The following EPM2A variants were observed in gnomAD, a reference collection of about 807,000 sequenced individuals.
EPM2A encodes the protein EPM2A glucan phosphatase, laforin.
EPM2A carries 21 observed loss-of-function variants against 26.5 expected under a neutral mutation model. The observed-to-expected ratio is 0.79, with a 90% CI of 0.56 to 1.14. The LOEUF (loss-of-function observed/expected upper bound fraction) is 1.14. EPM2A is among the 50% of genes most tolerant of loss of function. EPM2A has a pLI of 0.00. For synonymous variants in EPM2A, 217 were observed against 177.6 expected, an observed-to-expected ratio of 1.22 and a Z score of -1.76; for missense variants, 458 against 440.8, an observed-to-expected ratio of 1.04 and a Z score of -0.35.
intron 1 of EPM2A, among the ~76,000 whole-genome samples, chr6:145,693,823 A>C (rs920136537): frequency 6.6e-6 from 1 of 152,026 alleles, no homozygotes; most frequent in Admixed American, 6.6e-5. Flanking sequence ...CTATTTCTTC[A>C]GAACAGTTTT....
intron 3 of EPM2A, among the ~76,000 whole-genome samples, chr6:145,633,485 G>C (rs989426474): frequency 1.3e-5 from 2 of 152,148 alleles, no homozygotes; most frequent in Admixed American, 6.5e-5. Flanking sequence ...AGGTTACCAA[G>C]AGGAATAACC....
intron 2 of EPM2A, among the ~76,000 whole-genome samples, chr6:145,508,267 G>T (rs933684295): frequency 6.6e-6 from 1 of 152,220 alleles, no homozygotes; most frequent in African/African-American, 2.4e-5. Flanking sequence ...CCCACCAAAG[G>T]TGAGCATGAG....
At chr6:145,647,411 A>T (rs1777559157) in intron 2 of EPM2A, among the ~76,000 whole-genome samples, 2 of 152,114 alleles carry the variant, frequency 1.3e-5, no homozygotes, top group African/African-American at 4.8e-5. Context: ...ATCTTCCTTG[A>T]TCTCCAATAG....
intron 4 of EPM2A, among the ~76,000 whole-genome samples, chr6:145,447,835 G>T (rs371262933): frequency 6.6e-6 from 1 of 152,000 alleles, no homozygotes; most frequent in Admixed American, 6.6e-5. Context: ...ATGAATATAA[G>T]AATTCAGCTG....
At chr6:145,730,314 T>C (rs1383108955) in intron 1 of EPM2A, among the ~76,000 whole-genome samples, 1 of 152,204 alleles carries the variant, frequency 6.6e-6, no homozygotes, top group Non-Finnish European at 1.5e-5. Flanking sequence ...GGTATTCTGG[T>C]GAACATTTGC....
At chr6:145,671,620 A>T (rs1465240647) in intron 2 of EPM2A, among the ~76,000 whole-genome samples, 1 of 152,218 alleles carries the variant, frequency 6.6e-6, no homozygotes, top group Non-Finnish European at 1.5e-5. Flanking sequence ...GGATTGTTCC[A>T]AGGTTACCCA....
At chr6:145,630,611 T>C (rs1269238506) in intron 3 of EPM2A, 1 of 152,148 alleles carries the variant, frequency 6.6e-6, no homozygotes, top group Non-Finnish European at 1.5e-5. Context: ...CAAGACTCCA[T>C]CTAAAAAAGA....
At chr6:145,400,876 T>C (rs1403306824) in intron 4 of EPM2A, among the ~76,000 whole-genome samples, 1 of 152,176 alleles carries the variant, frequency 6.6e-6, no homozygotes, top group Non-Finnish European at 1.5e-5. Context: ...GCCTACAGGT[T>C]GTTACACCCC....
rs561030357 is a variant in EPM2A, at chr6:145,715,680, A to T, written c.301+19518T>A. Among the ~76,000 whole-genome samples the T allele has an allele frequency of 2.0e-5, 3 of 152,230 alleles. No individual in the cohort carries two copies. In the East Asian group the frequency reaches 5.8e-4, roughly 29 times the overall value. On this transcript the variant is annotated intron_variant, in intron 1 of 3. Transcript: ENST00000367519. ...GAACTCTGCGTCCTGTCAGATCAGC[A>T]GCACAGTAGATTCTCATAGGAGTGC...
chr6:145,385,926 A>C (rs2114652847), intron 4 of EPM2A, among the ~76,000 whole-genome samples: 1 of 152,142 alleles, frequency 6.6e-6, no homozygotes, highest in Non-Finnish European at 1.5e-5. Flanking sequence ...GAAATCAAGA[A>C]TTTAAAATTC....
intron 2 of EPM2A, among the ~76,000 whole-genome samples, chr6:145,605,057 A>G (rs1347438399): frequency 6.6e-6 from 1 of 152,170 alleles, no homozygotes; most frequent in African/African-American, 2.4e-5. Context: ...TTAATGGAAA[A>G]GCAAGAGAAA....
At chr6:145,653,168 T>A (rs991557712) in intron 2 of EPM2A, among the ~76,000 whole-genome samples, 2 of 152,208 alleles carry the variant, frequency 1.3e-5, no homozygotes, top group African/African-American at 4.8e-5. Context: ...TGAATTATAA[T>A]CCCCACCTGT....
intron 4 of EPM2A, among the ~76,000 whole-genome samples, chr6:145,494,009 G>C (rs384453): frequency 0.45 from 68,484 of 152,068 alleles, 15,470 homozygotes; most frequent in South Asian, 0.58. Context: ...GAATAAGTTA[G>C]GGAGCAGTCC....
intron 4 of EPM2A, chr6:145,489,934 C>A: frequency 3.7e-6 from 5 of 1,364,856 alleles, no homozygotes. Context: ...TTCTAGATAA[C>A]TTATTTGGAC....
chr6:145,393,562 C>T (rs1409959878), intron 4 of EPM2A, among the ~76,000 whole-genome samples: 3 of 152,020 alleles, frequency 2.0e-5, no homozygotes, highest in African/African-American at 2.4e-5. Flanking sequence ...TTTTCTTTTC[C>T]TTGTGGTAAA....
At chr6:145,436,289 T>A (rs1778987502) in intron 4 of EPM2A, among the ~76,000 whole-genome samples, 1 of 152,218 alleles carries the variant, frequency 6.6e-6, no homozygotes, top group East Asian at 1.9e-4. Flanking sequence ...ACTATTATAA[T>A]GTTGCCATAA....
chr6:145,649,871 T>A (rs182759923), intron 2 of EPM2A, among the ~76,000 whole-genome samples: 1 of 152,342 alleles, frequency 6.6e-6, no homozygotes, highest in Admixed American at 6.5e-5. Context: ...TGTTTGCTGA[T>A]CCCTGCCTTA....
intron 4 of EPM2A, among the ~76,000 whole-genome samples, chr6:145,423,062 A>G (rs1443703921): frequency 6.6e-6 from 1 of 152,100 alleles, no homozygotes; most frequent in Non-Finnish European, 1.5e-5. Flanking sequence ...AATATATACA[A>G]AATATATGGT....
chr6:145,687,205 T>C (rs1331290386), intron 1 of EPM2A, among the ~76,000 whole-genome samples: 1 of 152,008 alleles, frequency 6.6e-6, no homozygotes, highest in Non-Finnish European at 1.5e-5. Flanking sequence ...CCCTCACAAA[T>C]GTGATTAGCT....
Sources: allele counts gnomAD v4.1 joint callset (sites outside exome capture counted in the v4.1 genomes callset), GRCh38; gene constraint gnomAD v4.1.1; transcripts MANE v1.5; gene names NCBI Gene and HGNC (gene_info 2026-07-23, HGNC 2026-07-21).